Variants in GRIA2 observed in about 807,000 individuals in gnomAD.
GRIA2 encodes the protein glutamate ionotropic receptor AMPA type subunit 2, also known as glutamate receptor 2.
A neutral mutation model predicts 97.3 loss-of-function variants in GRIA2; 14 were observed. The ratio of observed to expected loss-of-function variants is 0.14; its 90% CI spans 0.10 to 0.23. The LOEUF is 0.23. Among genes scored for constraint, GRIA2 ranks in the 10% least tolerant of loss-of-function variants. The probability of loss-of-function intolerance (pLI) is 1.00; values close to 1 mark genes in which losing one functional copy is unlikely to be tolerated. For synonymous variants in GRIA2, 412 were observed against 387.8 expected (o/e 1.06, Z -0.73); for missense variants, 558 against 1,069.8 (o/e 0.52, Z 6.67).
At chr4:157,328,807 C>T (rs574094847) in intron 6 of GRIA2, among the ~76,000 whole-genome samples, 2 of 151,910 alleles carry the variant, frequency 1.3e-5, no homozygotes, top group South Asian at 4.2e-4. Context: ...TACATTTATT[C>T]CTTTTACCTG....
chr4:157,319,341 G>T (rs903340510), intron 5 of GRIA2, among the ~76,000 whole-genome samples: 1 of 152,132 alleles, frequency 6.6e-6, no homozygotes, highest in African/African-American at 2.4e-5. Context: ...ATGACAGAAG[G>T]TGGCTCCTCA....
At chr4:157,291,108 T>G (rs1470166980) in intron 2 of GRIA2, among the ~76,000 whole-genome samples, 1 of 151,980 alleles carries the variant, frequency 6.6e-6, no homozygotes, top group Non-Finnish European at 1.5e-5. Context: ...ATATTTTCCC[T>G]TGAAATTAGC....
intron 6 of GRIA2, among the ~76,000 whole-genome samples, chr4:157,330,354 C>T (rs539031298): frequency 6.6e-6 from 1 of 151,990 alleles, no homozygotes; most frequent in Admixed American, 6.6e-5. Context: ...AATATCGTCA[C>T]ACTTTAATAG....
intron 2 of GRIA2, among the ~76,000 whole-genome samples, chr4:157,280,409 T>A (rs1732542151): frequency 6.6e-6 from 1 of 152,136 alleles, no homozygotes; most frequent in Non-Finnish European, 1.5e-5. Flanking sequence ...GATCTTAGAC[T>A]GTAAGTAATA....
chr4:157,297,268 AT>A (rs1380117992), intron 2 of GRIA2, among the ~76,000 whole-genome samples: 2 of 152,142 alleles, frequency 1.3e-5, no homozygotes, highest in Non-Finnish European at 2.9e-5. Flanking sequence ...GTCAAGAGTG[AT>A]TCTAACATTT....
At chr4:157,283,116 TTTTTCATATGTAAAAGC>T (rs1732683173) in intron 2 of GRIA2, among the ~76,000 whole-genome samples, 1 of 152,080 alleles carries the variant, frequency 6.6e-6, no homozygotes, top group Non-Finnish European at 1.5e-5. Context: ...CCTATTATAT[TTTTTCATATGTAAAAGC>T]TTTTCCATAT....
At chr4:157,251,393 G>A (rs1731015251) in intron 2 of GRIA2, among the ~76,000 whole-genome samples, 1 of 152,012 alleles carries the variant, frequency 6.6e-6, no homozygotes, top group African/African-American at 2.4e-5. Context: ...AAACAATGTG[G>A]ATTCCCAACT....
chr4:157,246,035 A>G (rs1042873458), intron 2 of GRIA2, among the ~76,000 whole-genome samples: 12 of 152,144 alleles, frequency 7.9e-5, no homozygotes, highest in Admixed American at 7.2e-4. Flanking sequence ...TACATTGTGC[A>G]AGAGTAATAA....
chr4:157,333,026 G>A (rs1337978638), intron 7 of GRIA2, 40 bp downstream of exon 7: 1 of 1,463,050 alleles, frequency 6.8e-7, no homozygotes, highest in Non-Finnish European at 9.3e-7. Flanking sequence ...ACTTAATATG[G>A]CCATTAATGT....
At chr4:157,327,437 C>G (rs1245563883) in intron 6 of GRIA2, among the ~76,000 whole-genome samples, 1 of 152,012 alleles carries the variant, frequency 6.6e-6, no homozygotes, top group Non-Finnish European at 1.5e-5. Context: ...TCTGACCTGA[C>G]CCATCATAGC....
At chr4:157,240,276 T>C (rs1426205659) in intron 2 of GRIA2, among the ~76,000 whole-genome samples, 1 of 152,164 alleles carries the variant, frequency 6.6e-6, no homozygotes. Flanking sequence ...ATATCCGTAA[T>C]ATTTTTCATC....
intron 12 of GRIA2, among the ~76,000 whole-genome samples, chr4:157,345,863 A>G (rs1459058368): frequency 6.6e-6 from 1 of 152,172 alleles, no homozygotes; most frequent in African/African-American, 2.4e-5. Flanking sequence ...TGCCAAAATA[A>G]AGGTATTTGC....
At chr4:157,356,768 A>G (rs1736398985) in intron 12 of GRIA2, among the ~76,000 whole-genome samples, 1 of 152,122 alleles carries the variant, frequency 6.6e-6, no homozygotes, top group East Asian at 1.9e-4. Flanking sequence ...ATTTGTAAAT[A>G]TATTATAAGA....
At chr4:157,321,349 A>G (rs541091682) in intron 5 of GRIA2, 89 bp from the exon 6 acceptor site, 1 of 903,280 alleles carries the variant, frequency 1.1e-6, no homozygotes, top group South Asian at 1.7e-5. Context: ...GAAATATCTA[A>G]AACCACAATG....
chr4:157,321,358 T>C, intron 5 of GRIA2, 80 bp from the exon 6 acceptor site: 1 of 933,412 alleles, frequency 1.1e-6, no homozygotes, highest in Non-Finnish European at 1.6e-6. Context: ...AAAACCACAA[T>C]GTATAGAGTT....
At chr4:157,345,322 T>C (rs1735720598) in intron 12 of GRIA2, among the ~76,000 whole-genome samples, 1 of 152,082 alleles carries the variant, frequency 6.6e-6, no homozygotes, top group Non-Finnish European at 1.5e-5. Context: ...AAAATTAGTC[T>C]ATGTCTTCAT....
intron 2 of GRIA2, among the ~76,000 whole-genome samples, chr4:157,283,106 C>T (rs933092131): frequency 7.9e-5 from 12 of 151,848 alleles, no homozygotes; most frequent in Admixed American, 7.2e-4. Context: ...TCTAAACTTT[C>T]CTATTATATT....
At chr4:157,283,999 T>G (rs1732725791) in intron 2 of GRIA2, among the ~76,000 whole-genome samples, 1 of 151,902 alleles carries the variant, frequency 6.6e-6, no homozygotes, top group Non-Finnish European at 1.5e-5. Flanking sequence ...TATTGCAGCA[T>G]TAATATAGTA....
At chr4:157,226,690 A>G (rs762201844) in intron 2 of GRIA2, among the ~76,000 whole-genome samples, 2 of 152,094 alleles carry the variant, frequency 1.3e-5, no homozygotes, top group Non-Finnish European at 2.9e-5. Context: ...ACAATTATAG[A>G]GTGTAAATAG....
Sources: allele counts gnomAD v4.1 joint callset (sites outside exome capture counted in the v4.1 genomes callset), GRCh38; gene constraint gnomAD v4.1.1; transcripts MANE v1.5; gene names NCBI Gene and HGNC (gene_info 2026-07-23, HGNC 2026-07-21).